Variants in NFIA observed in about 807,000 individuals in gnomAD.
NFIA encodes nuclear factor 1 A-type.
Under a neutral mutation model 62.8 loss-of-function variants are expected in NFIA, and 8 were observed. That is an observed-to-expected ratio of 0.13 (90% CI 0.07 to 0.23). NFIA has a LOEUF of 0.23. Ranked by LOEUF, NFIA falls within the 10% of genes least tolerant of loss-of-function variation. NFIA has a pLI of 1.00. For synonymous variants in NFIA, 235 were observed against 238.1 expected, an observed-to-expected ratio of 0.99 and a Z score of 0.12; for missense variants, 410 against 642.1, an observed-to-expected ratio of 0.64 and a Z score of 3.91.
chr1:61,274,669 C>G (rs1355930401), intron 2 of NFIA, among the ~76,000 whole-genome samples: 1 of 152,148 alleles, frequency 6.6e-6, no homozygotes, highest in Non-Finnish European at 1.5e-5. Context: ...TGACAGGTGT[C>G]TATGGAGTAT....
At chr1:61,436,451 A>G (rs1339451129) in intron 10 of NFIA, among the ~76,000 whole-genome samples, 2 of 152,154 alleles carry the variant, frequency 1.3e-5, no homozygotes, top group Non-Finnish European at 2.9e-5. Flanking sequence ...TCTACACTCT[A>G]AATAATGACT....
chr1:61,330,163 G>T (rs151284361), intron 3 of NFIA, among the ~76,000 whole-genome samples: 4 of 152,236 alleles, frequency 2.6e-5, no homozygotes, highest in Non-Finnish European at 1.5e-5. Flanking sequence ...GAATACCTGT[G>T]GGCTATCTGG....
intron 2 of NFIA, among the ~76,000 whole-genome samples, chr1:61,212,405 A>G (rs1025583999): frequency 2.0e-5 from 3 of 152,218 alleles, no homozygotes; most frequent in East Asian, 1.9e-4. Flanking sequence ...CTAGTTTATT[A>G]TGCAGTATGG....
At chr1:61,402,569 T>C (rs1015237631) in intron 7 of NFIA, among the ~76,000 whole-genome samples, 11 of 152,022 alleles carry the variant, frequency 7.2e-5, no homozygotes, top group Middle Eastern at 3.2e-3. Flanking sequence ...CTGGGAGAAG[T>C]GTAAGCTTGA....
intron 3 of NFIA, among the ~76,000 whole-genome samples, chr1:61,324,276 G>A (rs901646848): frequency 6.6e-6 from 1 of 152,192 alleles, no homozygotes; most frequent in Non-Finnish European, 1.5e-5. Context: ...TATAAACAGC[G>A]TGAGAAGGAG....
chr1:61,361,145 T>C (rs1663269300), intron 6 of NFIA, among the ~76,000 whole-genome samples: 1 of 152,186 alleles, frequency 6.6e-6, no homozygotes, highest in Non-Finnish European at 1.5e-5. Context: ...TTCTAATTAG[T>C]ACCAACCACA....
At chr1:61,383,675 TGTGA>T (rs1317459964) in intron 7 of NFIA, among the ~76,000 whole-genome samples, 1 of 152,208 alleles carries the variant, frequency 6.6e-6, no homozygotes, top group African/African-American at 2.4e-5. Flanking sequence ...TGTGTGTGTG[TGTGA>T]GAGAGAGAGA....
At chr1:61,450,581 G>A (rs540079481) in intron 10 of NFIA, among the ~76,000 whole-genome samples, 1 of 152,282 alleles carries the variant, frequency 6.6e-6, no homozygotes, top group South Asian at 2.1e-4. Context: ...CAGGGTGCGG[G>A]GAGGCCAGCC....
At chr1:61,347,558 T>C (rs1662306524) in intron 4 of NFIA, among the ~76,000 whole-genome samples, 1 of 152,200 alleles carries the variant, frequency 6.6e-6, no homozygotes, top group African/African-American at 2.4e-5. Flanking sequence ...TCTTTAAATC[T>C]GAACTATCCT....
intron 9 of NFIA, 94 bp from the exon 10 acceptor site, chr1:61,426,371 C>A: frequency 1.2e-6 from 1 of 822,300 alleles, no homozygotes; most frequent in Non-Finnish European, 2.0e-6. Context: ...CCTTGTTAAT[C>A]AGCTGCGTCG....
At chr1:61,283,643 C>A (rs1036035242) in intron 3 of NFIA, among the ~76,000 whole-genome samples, 1 of 143,038 alleles carries the variant, frequency 7.0e-6, no homozygotes, top group African/African-American at 2.6e-5. Flanking sequence ...TAATTTGGGG[C>A]TGAGAAGAGA....
At chr1:61,137,120 A>G (rs1349981581) in intron 2 of NFIA, among the ~76,000 whole-genome samples, 1 of 152,208 alleles carries the variant, frequency 6.6e-6, no homozygotes, top group African/African-American at 2.4e-5. Flanking sequence ...GGAAAATGCT[A>G]GCGGACAGAA....
intron 3 of NFIA, among the ~76,000 whole-genome samples, chr1:61,331,172 T>C (rs1336261846): frequency 1.3e-5 from 2 of 152,158 alleles, no homozygotes; most frequent in East Asian, 1.9e-4. Flanking sequence ...TTTACAATTA[T>C]TGTCTATCCT....
intron 2 of NFIA, among the ~76,000 whole-genome samples, chr1:61,145,386 A>G (rs1231299458): frequency 1.3e-5 from 2 of 152,232 alleles, no homozygotes; most frequent in Non-Finnish European, 2.9e-5. Context: ...CTGGTTGGTC[A>G]CATAACCTTT....
At chr1:61,387,086 G>C (rs950845532) in intron 7 of NFIA, among the ~76,000 whole-genome samples, 2 of 152,110 alleles carry the variant, frequency 1.3e-5, no homozygotes, top group African/African-American at 4.8e-5. Context: ...TCACATTGGG[G>C]GTTAGGATTT....
chr1:61,106,228 A>G (rs17304637), intron 2 of NFIA, among the ~76,000 whole-genome samples: 12,974 of 151,832 alleles, frequency 0.085, 761 homozygotes, highest in South Asian at 0.16. Context: ...AGCTATTTAC[A>G]GCAACCTGGA....
chr1:61,163,848 A>G (rs1299070691), intron 2 of NFIA, among the ~76,000 whole-genome samples: 2 of 152,202 alleles, frequency 1.3e-5, no homozygotes, highest in Non-Finnish European at 2.9e-5. Flanking sequence ...TAGGCCATAG[A>G]CATAGCAACA....
chr1:61,242,218 A>G (rs895137342), intron 2 of NFIA, among the ~76,000 whole-genome samples: 2 of 152,134 alleles, frequency 1.3e-5, no homozygotes, highest in African/African-American at 2.4e-5. Flanking sequence ...AACTTTTCAG[A>G]CACTTGGCAT....
At chr1:61,086,336 C>T (rs760193129) in intron 1 of NFIA, among the ~76,000 whole-genome samples, 3 of 152,038 alleles carry the variant, frequency 2.0e-5, no homozygotes, top group African/African-American at 4.8e-5. Context: ...TGTGGTTTGG[C>T]GTATACCTTT....
Sources: allele counts gnomAD v4.1 joint callset (sites outside exome capture counted in the v4.1 genomes callset), GRCh38; gene constraint gnomAD v4.1.1; transcripts MANE v1.5; gene names NCBI Gene and HGNC (gene_info 2026-07-23, HGNC 2026-07-21).